SPAG16: variants seen among roughly 807,000 people sequenced by gnomAD.
The protein encoded by SPAG16 is sperm associated antigen 16, also known as sperm-associated antigen 16 protein.
Under a neutral mutation model 80.4 loss-of-function variants are expected in SPAG16, and 86 were observed. The ratio of observed to expected loss-of-function variants is 1.07; its 90% CI spans 0.90 to 1.28. The LOEUF is 1.28. SPAG16 is among the 50% of genes most tolerant of loss of function. The probability of loss-of-function intolerance (pLI) is 0.00; values close to 1 mark genes in which losing one functional copy is unlikely to be tolerated. For synonymous variants in SPAG16, 294 were observed against 265.9 expected (o/e 1.11, Z -1.03); for missense variants, 870 against 765.3 (o/e 1.14, Z -1.61).
Position 214,137,429 on chromosome 2 carries a change from G to A in SPAG16, c.1594-11711G>A, listed in dbSNP as rs574463436. Among the ~76,000 whole-genome samples, 5 of 152,030 alleles carry A rather than the reference G, an allele frequency of 3.3e-5. No individual in the cohort carries two copies. The East Asian group carries it at 9.7e-4, about 29-fold the overall frequency. ...ATACATGTTATAGTTTTATATATTT[G>A]TGTATATATGTATGTGTTATCTATT... On this transcript the variant is annotated intron_variant, in intron 14 of 15. Transcript: ENST00000331683.
intron 13 of SPAG16, among the ~76,000 whole-genome samples, chr2:214,099,858 C>G (rs1172058253): frequency 1.3e-5 from 2 of 152,026 alleles, no homozygotes; most frequent in Non-Finnish European, 2.9e-5. Flanking sequence ...ATATCGCAAT[C>G]TGAATAACAA....
intron 10 of SPAG16, among the ~76,000 whole-genome samples, chr2:213,628,697 G>C (rs1414088477): frequency 6.6e-6 from 1 of 152,090 alleles, no homozygotes; most frequent in Non-Finnish European, 1.5e-5. Flanking sequence ...TTAATTATTT[G>C]TGTGTATGTG....
intron 3 of SPAG16, among the ~76,000 whole-genome samples, chr2:213,303,698 AATGACAGG>A (rs2062835373): frequency 6.6e-6 from 1 of 152,110 alleles, no homozygotes; most frequent in African/African-American, 2.4e-5. Context: ...TGTTGTTGGA[AATGACAGG>A]ATCTCATTCT....
In SPAG16 at chr2:213,705,675, A is replaced by G. The variant is rs1206682769; in HGVS notation, c.1071-156810A>G. Among the ~76,000 whole-genome samples the G allele has an allele frequency of 2.6e-5, 4 of 152,290 alleles. No homozygotes were observed. In the East Asian group the frequency reaches 5.8e-4, roughly 22 times the overall value. ...AGCTTTATGTTCCCCTAATTTTCCAATTTACTTCTAAACTCCCTTAAAGCA... is the reference window on the plus strand; with the variant it reads ...AGCTTTATGTTCCCCTAATTTTCCAGTTTACTTCTAAACTCCCTTAAAGCA... On this transcript the variant is annotated intron_variant, in intron 10 of 15. Transcript: ENST00000331683.
chr2:213,402,006 T>A (rs941331596), intron 9 of SPAG16, among the ~76,000 whole-genome samples: 1 of 152,066 alleles, frequency 6.6e-6, no homozygotes, highest in Non-Finnish European at 1.5e-5. Flanking sequence ...TGGTCATATA[T>A]TTTTTAATAT....
chr2:214,141,808 T>C (rs1052929527), intron 14 of SPAG16, among the ~76,000 whole-genome samples: 2 of 152,210 alleles, frequency 1.3e-5, no homozygotes, highest in Admixed American at 6.5e-5. Context: ...TAGGTAAATA[T>C]CTCTTCGTCC....
At chr2:214,175,661 A>G (rs1396847598) in intron 15 of SPAG16, among the ~76,000 whole-genome samples, 3 of 151,594 alleles carry the variant, frequency 2.0e-5, no homozygotes, top group Non-Finnish European at 4.4e-5. Flanking sequence ...TAGGTTGATC[A>G]AACAATATAT....
intron 10 of SPAG16, among the ~76,000 whole-genome samples, chr2:213,597,604 A>G (rs1442004897): frequency 6.6e-6 from 1 of 152,104 alleles, no homozygotes; most frequent in Non-Finnish European, 1.5e-5. Flanking sequence ...GCTCAAGTTA[A>G]TTTACATAAG....
chr2:214,095,320 C>A (rs13014099), intron 13 of SPAG16, among the ~76,000 whole-genome samples: 13,226 of 152,002 alleles, frequency 0.087, 751 homozygotes, highest in East Asian at 0.28. Context: ...CCCCCAGAAA[C>A]CTTTTCTCCA....
At chr2:214,386,797 G>A (rs978866425) in intron 15 of SPAG16, among the ~76,000 whole-genome samples, 2 of 151,606 alleles carry the variant, frequency 1.3e-5, no homozygotes, top group Non-Finnish European at 2.9e-5. Context: ...CCAGGAGGCC[G>A]AGGCTGCAGT....
At chr2:213,971,878 G>GTT (rs745675882) in intron 12 of SPAG16, among the ~76,000 whole-genome samples, 3 of 133,908 alleles carry the variant, frequency 2.2e-5, no homozygotes, top group African/African-American at 5.3e-5. Context: ...CTTGTTTTTT[G>GTT]GTTTTTTTTT....
intron 10 of SPAG16, among the ~76,000 whole-genome samples, chr2:213,758,938 A>G (rs928755007): frequency 6.6e-6 from 1 of 152,242 alleles, no homozygotes; most frequent in Non-Finnish European, 1.5e-5. Context: ...TATTACTTAT[A>G]AGGAATAATC....
intron 10 of SPAG16, among the ~76,000 whole-genome samples, chr2:213,671,615 A>G (rs2063815215): frequency 6.6e-6 from 1 of 152,210 alleles, no homozygotes; most frequent in Non-Finnish European, 1.5e-5. Context: ...ATTGCTCTAA[A>G]TAACTTAATG....
In SPAG16 at chr2:213,901,764, C is replaced by T. The variant is rs866959554; in HGVS notation, c.1215-28196C>T. Among the ~76,000 whole-genome samples, 10 of 151,954 alleles carry T rather than the reference C, an allele frequency of 6.6e-5. No individual in the cohort carries two copies. In the South Asian group the frequency reaches 8.3e-4, roughly 13 times the overall value. ...GGAAGATACATACCCAAGCAGCAGA[C>T]AAGAAGTTGAGTTGTAGAATTTTCT... On this transcript the variant is annotated intron_variant, in intron 11 of 15. Transcript: ENST00000331683.
intron 7 of SPAG16, among the ~76,000 whole-genome samples, chr2:213,361,913 C>T (rs1320150047): frequency 1.3e-5 from 2 of 151,716 alleles, no homozygotes; most frequent in African/African-American, 2.4e-5. Context: ...TCTGAAATGG[C>T]TTGAGAGAGC....
intron 13 of SPAG16, among the ~76,000 whole-genome samples, chr2:214,046,086 A>G (rs181086528): frequency 3.3e-4 from 51 of 152,268 alleles, no homozygotes; most frequent in African/African-American, 1.1e-3. Context: ...AAGCCAATAA[A>G]TTTGAAAACC....
chr2:213,696,055 T>C (rs2065140999), intron 10 of SPAG16, among the ~76,000 whole-genome samples: 1 of 152,110 alleles, frequency 6.6e-6, no homozygotes, highest in Non-Finnish European at 1.5e-5. Context: ...GGAAAGAGAA[T>C]GGTTGACAGA....
intron 15 of SPAG16, among the ~76,000 whole-genome samples, chr2:214,157,213 A>G (rs141052930): frequency 1.3e-5 from 2 of 152,274 alleles, no homozygotes; most frequent in East Asian, 1.9e-4. Context: ...TCCTTTTTCA[A>G]TCACCGCAGC....
chr2:214,316,070 C>CTTCT (rs1695672850), intron 15 of SPAG16, among the ~76,000 whole-genome samples: 1 of 151,624 alleles, frequency 6.6e-6, no homozygotes, highest in African/African-American at 2.4e-5. Context: ...TGTATAACAA[C>CTTCT]TTCTTTGGTT....
Sources: allele counts gnomAD v4.1 joint callset (sites outside exome capture counted in the v4.1 genomes callset), GRCh38; gene constraint gnomAD v4.1.1; transcripts MANE v1.5; gene names NCBI Gene and HGNC (gene_info 2026-07-23, HGNC 2026-07-21).